Variants in AKAP12 observed in about 807,000 individuals in gnomAD.
AKAP12 encodes the protein A-kinase anchoring protein 12.
In AKAP12, 32 loss-of-function variants were observed where a neutral mutation model predicts 79.9. That is an observed-to-expected ratio of 0.40 (90% CI 0.30 to 0.54). The LOEUF (loss-of-function observed/expected upper bound fraction) is 0.54. AKAP12 is among the 20% of genes least tolerant of loss of function. The pLI is 0.48. For synonymous variants in AKAP12, 808 were observed against 857.0 expected (o/e 0.94, Z 1.00); for missense variants, 2,074 against 2,177.0 (o/e 0.95, Z 0.94).
chr6:151,321,903 G>GTT (rs11415941), intron 3 of AKAP12, among the ~76,000 whole-genome samples: 5,646 of 66,866 alleles, frequency 0.084, 513 homozygotes, highest in African/African-American at 0.099. Flanking sequence ...TCAGCTTTAT[G>GTT]TTTTTTTTTT....
At chr6:151,301,310 C>A (rs1262184074) in intron 2 of AKAP12, among the ~76,000 whole-genome samples, 1 of 152,128 alleles carries the variant, frequency 6.6e-6, no homozygotes. Context: ...GAAATGTACC[C>A]ACAATGTATG....
At chr6:151,321,573 T>A (rs1371307823) in intron 3 of AKAP12, among the ~76,000 whole-genome samples, 1 of 152,216 alleles carries the variant, frequency 6.6e-6, no homozygotes, top group Non-Finnish European at 1.5e-5. Context: ...CAATTTTATT[T>A]ATCCCTGCAT....
At position 151,349,152 on chromosome 6, in the gene AKAP12, C is replaced by T. The variant is rs73780648; in HGVS notation, c.761C>T (p.Pro254Leu). ...KREQSHAEIS[P>L]PAESGQAVEE... Reference sequence around the variant, plus strand: ...GAGCAAAGCCACGCAGAAATTTCTCCCCCAGCCGAATCTGGCCAAGCAGTG... The same window carrying T: ...GAGCAAAGCCACGCAGAAATTTCTCTCCCAGCCGAATCTGGCCAAGCAGTG... The change falls in exon 4 of 5, where the codon CCC (proline) becomes CTC (leucine). Residue 254 changes from proline to leucine, a missense_variant. Coordinates refer to ENST00000402676, the MANE Select transcript of AKAP12 (RefSeq NM_005100.4). 3.1e-3 allele frequency: 4,978 copies of T among 1,613,718 alleles called. 135 individuals carry two copies. In the African/African-American group the frequency reaches 0.056, roughly 18 times the overall value.
chr6:151,285,980 C>A (rs549511002), intron 2 of AKAP12, among the ~76,000 whole-genome samples: 4 of 151,698 alleles, frequency 2.6e-5, no homozygotes, highest in African/African-American at 9.7e-5. Context: ...TGAGTTCAAG[C>A]GATTCTTCTG....
At chr6:151,286,453 T>C (rs1776506550) in intron 2 of AKAP12, among the ~76,000 whole-genome samples, 1 of 152,218 alleles carries the variant, frequency 6.6e-6, no homozygotes. Context: ...CACGACTTCA[T>C]GAGGAAGCGC....
chr6:151,276,123 T>A (rs1383401480), intron 2 of AKAP12, among the ~76,000 whole-genome samples: 1 of 152,238 alleles, frequency 6.6e-6, no homozygotes, highest in Non-Finnish European at 1.5e-5. Context: ...TTGGTGTAGT[T>A]TTGAGCCTAA....
chr6:151,325,794 T>G (rs1777508965), intron 3 of AKAP12: 4 of 1,613,232 alleles, frequency 2.5e-6, no homozygotes, highest in Non-Finnish European at 3.4e-6. Context: ...GGCAGGAGAC[T>G]AGGCGTCTGC....
intron 2 of AKAP12, among the ~76,000 whole-genome samples, chr6:151,262,604 T>G (rs967560718): frequency 1.8e-5 from 2 of 112,288 alleles, no homozygotes; most frequent in Non-Finnish European, 3.6e-5. Context: ...TTCAAACACT[T>G]GAAGTTCAAA....
intron 3 of AKAP12, among the ~76,000 whole-genome samples, chr6:151,309,934 C>T (rs935587890): frequency 7.3e-5 from 11 of 151,558 alleles, no homozygotes; most frequent in African/African-American, 2.4e-4. Flanking sequence ...TGCACAAGTG[C>T]CATTGGTTTG....
At chr6:151,313,039 T>C (rs1777153310) in intron 3 of AKAP12, among the ~76,000 whole-genome samples, 1 of 152,208 alleles carries the variant, frequency 6.6e-6, no homozygotes, top group Non-Finnish European at 1.5e-5. Flanking sequence ...GCTGTTGGCT[T>C]TAACTCTGTA....
intron 3 of AKAP12, among the ~76,000 whole-genome samples, chr6:151,312,653 G>T (rs9322315): frequency 1.3e-5 from 2 of 151,774 alleles, no homozygotes; most frequent in Non-Finnish European, 2.9e-5. Flanking sequence ...TTAGCCGGGC[G>T]TGGTGGCGGG....
rs747424477 is a variant in AKAP12, at chr6:151,350,934, C to T, written c.2543C>T (p.Pro848Leu). Residue 848 changes from proline to leucine, a missense_variant, in exon 4 of 5, where the codon CCT (proline) becomes CTT (leucine). Pro to Leu is a moderately conservative substitution (Grantham distance 98, BLOSUM62 -3). Coordinates refer to ENST00000402676, the MANE Select transcript of AKAP12 (RefSeq NM_005100.4). This position sits in a 1 kb window ranked among gnomAD's most constrained non-coding sequence, Gnocchi z 4.8. ...EDDSDVPAVV[P>L]LSEYDAVERE... ...GACTCTGATGTCCCGGCCGTGGTCC[C>T]TCTGTCTGAGTATGATGCTGTAGAA... 1.1e-5 allele frequency: 17 copies of T among 1,613,926 alleles called. No homozygotes were observed. Among genetic ancestry groups the T allele is most frequent in the Non-Finnish European group, 1.4e-5 (17 of 1,180,006 alleles).
chr6:151,290,386 C>T (rs1406951348), intron 2 of AKAP12, among the ~76,000 whole-genome samples: 2 of 152,008 alleles, frequency 1.3e-5, no homozygotes, highest in East Asian at 1.9e-4. Flanking sequence ...AAGCACTCAC[C>T]GTTATCTCAT....
At chr6:151,286,853 G>T (rs1181364471) in intron 2 of AKAP12, among the ~76,000 whole-genome samples, 1 of 152,198 alleles carries the variant, frequency 6.6e-6, no homozygotes, top group African/African-American at 2.4e-5. Context: ...AACAAGTCAG[G>T]TGAGAACCAA....
chr6:151,287,914 G>A (rs2114732580), intron 2 of AKAP12, among the ~76,000 whole-genome samples: 1 of 152,242 alleles, frequency 6.6e-6, no homozygotes, highest in African/African-American at 2.4e-5. Flanking sequence ...GTCCTTTGCA[G>A]GGACATGGAT....
At chr6:151,325,808 G>A (rs769558933) in intron 3 of AKAP12, 211 of 1,613,664 alleles carry the variant, frequency 1.3e-4, no homozygotes, top group Non-Finnish European at 1.7e-4. Flanking sequence ...CGTCTGCCGG[G>A]GAGGGCAGGG....
chr6:151,319,529 T>G (rs1212566187), intron 3 of AKAP12: 1 of 147,046 alleles, frequency 6.8e-6, no homozygotes, highest in Non-Finnish European at 1.5e-5. Context: ...TCTATATAGA[T>G]ATATATATAT....
chr6:151,308,823 TA>T (rs1246341670), intron 3 of AKAP12, among the ~76,000 whole-genome samples: 1 of 152,240 alleles, frequency 6.6e-6, no homozygotes, highest in Non-Finnish European at 1.5e-5. Context: ...GTTAACTTAT[TA>T]AACAGCATTT....
intron 2 of AKAP12, among the ~76,000 whole-genome samples, chr6:151,252,321 G>A (rs1406925208): frequency 1.3e-5 from 2 of 151,612 alleles, no homozygotes; most frequent in African/African-American, 4.8e-5. Context: ...TCAGCCTCTC[G>A]AGTAGCTGGG....
Sources: allele counts gnomAD v4.1 joint callset (sites outside exome capture counted in the v4.1 genomes callset), GRCh38; gene constraint gnomAD v4.1.1; non-coding constraint Gnocchi (gnomAD v3.1); transcripts MANE v1.5; gene names NCBI Gene and HGNC (gene_info 2026-07-23, HGNC 2026-07-21).